TMC4: variants seen among roughly 807,000 people sequenced by gnomAD.
TMC4 encodes the protein transmembrane channel like 4.
In TMC4, 70 loss-of-function variants were observed where a neutral mutation model predicts 82.0. The ratio of observed to expected loss-of-function variants is 0.85; its 90% CI spans 0.70 to 1.04. The LOEUF (loss-of-function observed/expected upper bound fraction) is 1.04. Ranked by LOEUF, TMC4 falls within the 50% of genes least tolerant of loss-of-function variation. TMC4 has a pLI of 0.00. For synonymous variants in TMC4, 446 were observed against 406.0 expected (o/e 1.10, Z -1.18); for missense variants, 879 against 899.0 (o/e 0.98, Z 0.28).
At position 54,162,420 on chromosome 19, in the gene TMC4, C is replaced by T. The variant is rs143043532; in HGVS notation, c.1503-135G>A. On this transcript the variant is annotated intron_variant, in intron 10 of 14. Coordinates refer to ENST00000619895, the MANE Select transcript of TMC4 (RefSeq NM_144686.4). ...GGGGGGGGGCGGGACTTTCAGGACT[C>T]CACGTGGAGGGGGTGTGTCCAGAGG... is the stretch of plus-strand genomic sequence containing the variant. 2.0e-3 allele frequency: 1,478 copies of T among 721,632 alleles called. 19 individuals carry two copies. The African/African-American group carries it at 0.022, about 11-fold the overall frequency. 44.7% of individuals were successfully genotyped at this position (721,632 alleles called of 1,614,324 possible). A position where few individuals can be genotyped will look rare whatever the true frequency, so the allele number is the denominator to read the frequency against.
rs776676888 is a variant in TMC4 at position 54,161,223 on chromosome 19, G to A, written c.1724C>T (p.Thr575Ile). The change falls in exon 12 of 15, where the codon ACC (threonine) becomes ATC (isoleucine). Residue 575 changes from threonine to isoleucine, a missense_variant. Physicochemically the swap from Thr to Ile is moderately conservative, Grantham distance 89. Transcript: ENST00000619895. ...GAAATTCGCCGCGGAGGCCCGGAAG[G>A]TGCGGGCAGCCGGGGAGCAGGTGGA... is the stretch of plus-strand genomic sequence containing the variant. ...LFSTCSPAAR[T>I]FRASAANFFF... 6 of 1,578,502 alleles carry A rather than the reference G, an allele frequency of 3.8e-6. No homozygotes were observed. Among genetic ancestry groups the A allele is most frequent in the Middle Eastern group, 2.0e-4 (1 of 5,094 alleles).
chr19:54,165,583 G>T lies in TMC4; in HGVS notation c.798-17C>A. 5 of 1,589,408 alleles carry T rather than the reference G, an allele frequency of 3.1e-6. No individual in the cohort carries two copies. Among genetic ancestry groups the T allele is most frequent in the Non-Finnish European group, 4.3e-6 (5 of 1,163,032 alleles). The stretch of plus-strand genomic sequence containing the variant: ...GACACCGAGCTGAGAGGGGAGACCC[G>T]GGAGACGGGAAGTGAAAGGACAGCC... On this transcript the variant is annotated splice_polypyrimidine_tract_variant and intron_variant, in intron 5 of 14. Transcript: ENST00000619895.
rs1381002260 is a variant in TMC4, at chr19:54,160,918, C to T, written c.1933G>A (p.Gly645Arg). 1 of 1,614,110 alleles carries T rather than the reference C, an allele frequency of 6.2e-7. No homozygotes were observed. Among genetic ancestry groups the T allele is most frequent in the East Asian group, 2.2e-5 (1 of 44,872 alleles). Residue 645 changes from glycine to arginine, a missense_variant, in exon 13 of 15, where the codon GGG becomes AGG. Physicochemically the swap from Gly to Arg is moderately radical, Grantham distance 125 (BLOSUM62 -2). Coordinates refer to ENST00000619895, the MANE Select transcript of TMC4 (RefSeq NM_144686.4). ...ETTQNFLFFLGTQAFAVPLLL... is the reference protein window; with the variant it reads ...ETTQNFLFFLRTQAFAVPLLL... The stretch of plus-strand genomic sequence containing the variant: ...AGGGGCACAGCAAAAGCCTGGGTCC[C>T]CAGGAAGAAGAGGAAATTCTGGGTG...
At chr19:54,168,332 G>T (rs1321781348) in intron 4 of TMC4, 40 bp from the exon 5 acceptor site, 1 of 1,542,658 alleles carries the variant, frequency 6.5e-7, no homozygotes, top group East Asian at 2.5e-5. Context: ...TGTGGGAGGA[G>T]GCGGGGCTCC....
chr19:54,162,048 G>A, intron 11 of TMC4, 54 bp downstream of exon 11: 3 of 1,493,744 alleles, frequency 2.0e-6, no homozygotes, highest in East Asian at 2.4e-5. Context: ...TGACCCAGGA[G>A]TGCGGGCCCC....
chr19:54,171,315 G>C (rs1350275792), intron 2 of TMC4, among the ~76,000 whole-genome samples: 1 of 152,014 alleles, frequency 6.6e-6, no homozygotes, highest in Non-Finnish European at 1.5e-5. Flanking sequence ...TGCCATGTTG[G>C]CCAGGCTGGT....
chr19:54,164,135 C>T (rs2075642160), intron 7 of TMC4, among the ~76,000 whole-genome samples: 2 of 151,800 alleles, frequency 1.3e-5, no homozygotes, highest in Non-Finnish European at 2.9e-5. Context: ...CCACCACGCC[C>T]GTCTAATTTT....
At chr19:54,160,400 G>GAC in intron 14 of TMC4, 26 bp from the exon 15 acceptor site, 3 of 1,579,262 alleles carry the variant, frequency 1.9e-6, no homozygotes, top group Non-Finnish European at 2.6e-6. Context: ...GTGGAGGTGA[G>GAC]ACAATCCTCT....
At position 54,163,848 on chromosome 19, in the gene TMC4, C is replaced by G. The variant is rs1191146787; in HGVS notation, c.1153G>C (p.Gly385Arg). 1 of 1,613,964 alleles carries G rather than the reference C, an allele frequency of 6.2e-7. No individual in the cohort carries two copies. The highest frequency in any genetic ancestry group is 8.5e-7 in the Non-Finnish European group (1 of 1,180,012). ...LVQELPLLKL[G>R]VNYLPSIFIA... ...AAGATGGACGGAAGGTAATTCACCC[C>G]AAGCTTCAGCAGTGGCAACTCCTGG... The change falls in exon 8 of 15, where the codon GGG becomes CGG. Residue 385 changes from glycine (G) to arginine (R), a missense_variant. Transcript: ENST00000619895.
chr19:54,161,696 G>A (rs1480103974), intron 11 of TMC4, among the ~76,000 whole-genome samples: 1 of 152,086 alleles, frequency 6.6e-6, no homozygotes, highest in Non-Finnish European at 1.5e-5. Context: ...CTGCCACTAA[G>A]CCCGGCTAAT....
chr19:54,160,532 A>G lies in TMC4; in HGVS notation c.1987T>C (p.Tyr663His), dbSNP rs775857830. 1.2e-6 allele frequency: 2 copies of G among 1,614,102 alleles called. No homozygotes were observed. The highest frequency in any genetic ancestry group is 1.7e-6 in the Non-Finnish European group (2 of 1,180,008). The change falls in exon 14 of 15, where the codon TAC (tyrosine) becomes CAC (histidine). Residue 663 changes from tyrosine (Y) to histidine (H), a missense_variant. Coordinates refer to ENST00000619895, the MANE Select transcript of TMC4 (RefSeq NM_144686.4). ...LLLISSILMA[Y>H]TVALANSYGR... is the part of the protein sequence containing the mutation. ...TAGGAGTTAGCCAGAGCCACAGTGT[A>G]CGCCATCAGGATGCTGAAGGAGACA...
intron 4 of TMC4, 30 bp from the exon 5 acceptor site, chr19:54,168,322 T>C: frequency 5.8e-6 from 9 of 1,545,094 alleles, no homozygotes; most frequent in Non-Finnish European, 7.9e-6. Context: ...CAGGGGCCAC[T>C]GTGGGAGGAG....
chr19:54,169,839 C>T (rs978328550), intron 2 of TMC4, among the ~76,000 whole-genome samples, 179 bp from the exon 3 acceptor site: 1 of 151,902 alleles, frequency 6.6e-6, no homozygotes, highest in African/African-American at 2.4e-5. Context: ...CCTGTAATCC[C>T]AGCACTTTGG....
At chr19:54,167,791 G>A (rs1474028627) in intron 5 of TMC4, among the ~76,000 whole-genome samples, 3 of 151,716 alleles carry the variant, frequency 2.0e-5, no homozygotes, top group African/African-American at 4.8e-5. Flanking sequence ...GGCCGGGCGC[G>A]GTGGCTCACG....
Position 54,171,863 on chromosome 19 carries a change from G to A in TMC4, c.293+7C>T, listed in dbSNP as rs545125153. The stretch of plus-strand genomic sequence containing the variant: ...TGTGCGGGTCCCAGCTGGAGGTGGG[G>A]CCTCACCTGTGTGCCCGTCTGGCCT... On this transcript the variant is annotated splice_region_variant and intron_variant, in intron 2 of 14. Transcript: ENST00000619895. 13 of 1,591,300 alleles carry A rather than the reference G, an allele frequency of 8.2e-6. No homozygotes were observed. The highest frequency in any genetic ancestry group is 1.0e-5 in the Non-Finnish European group (12 of 1,167,964).
chr19:54,162,243 C>T lies in TMC4; in HGVS notation c.1545G>A (p.Ala515=). The change falls in exon 11 of 15, where the codon GCG becomes GCA. Residue 515 remains alanine, a synonymous_variant. Transcript: ENST00000619895. ...GLCPGALGRL[A]GTQEFQVPDE... ...CGGGCACCTGGAACTCTTGGGTCCC[C>T]GCCAGACGACCCAGCGCCCCAGGAC... The T allele has an allele frequency of 6.2e-7, 1 of 1,607,860 alleles. No homozygotes were observed. Among genetic ancestry groups the T allele is most frequent in the South Asian group, 1.1e-5 (1 of 90,170 alleles).
rs995150212 is a variant in TMC4 at position 54,168,293 on chromosome 19, C to T, written c.676-1G>A. 27 of 1,551,580 alleles carry T rather than the reference C, an allele frequency of 1.7e-5. No homozygotes were observed. The highest frequency in any genetic ancestry group is 2.2e-5 in the Non-Finnish European group (25 of 1,147,204). On this transcript the variant is annotated splice_acceptor_variant, in intron 4 of 14. Transcript: ENST00000619895. LOFTEE classifies it high-confidence loss of function. Reference sequence around the variant, plus strand: ...AGAGAGGGGACCATTCCAGGTAACCCTGTGGGGGGAAGGCGGCGCAGGGGC... The same window carrying T: ...AGAGAGGGGACCATTCCAGGTAACCTTGTGGGGGGAAGGCGGCGCAGGGGC...
rs1318405970 is a variant in TMC4 at position 54,162,150 on chromosome 19, C to A, written c.1638G>T (p.Leu546=). 1 of 1,613,832 alleles carries A rather than the reference C, an allele frequency of 6.2e-7. No individual in the cohort carries two copies. Among genetic ancestry groups the A allele is most frequent in the Non-Finnish European group, 8.5e-7 (1 of 1,179,920 alleles). ...GGAACTTGACCGTGTTAAGCAGGGG[C>A]AGTAAAGGGCAGAAAAAACTCCCCA... is the stretch of plus-strand genomic sequence containing the variant. ...VWVGSFFCPL[L]PLLNTVKFLL... Residue 546 remains leucine, a synonymous_variant, in exon 11 of 15, where the codon CTG becomes CTT. Coordinates refer to ENST00000619895, the MANE Select transcript of TMC4 (RefSeq NM_144686.4).
chr19:54,161,185 C>A lies in TMC4; in HGVS notation c.1762G>T (p.Val588Phe). 1 of 1,592,528 alleles carries A rather than the reference C, an allele frequency of 6.3e-7. No homozygotes were observed. The highest frequency in any genetic ancestry group is 8.5e-7 in the Non-Finnish European group (1 of 1,171,124). ...GAGATGGCCAGACCCAGGAGAAGGACCAAGGGGAAAAAGAAATTCGCCGCG... is the reference window on the plus strand; with the variant it reads ...GAGATGGCCAGACCCAGGAGAAGGAACAAGGGGAAAAAGAAATTCGCCGCG... Reference protein sequence around the residue: ...ASAANFFFPLVLLLGLAISSV... With the variant: ...ASAANFFFPLFLLLGLAISSV... Residue 588 changes from valine to phenylalanine, a missense_variant, in exon 12 of 15, where the codon GTC becomes TTC. Coordinates refer to ENST00000619895, the MANE Select transcript of TMC4 (RefSeq NM_144686.4).
Sources: gnomAD v4.1 joint callset for allele counts (sites outside exome capture counted in the v4.1 genomes callset) on GRCh38, gnomAD v4.1.1 for gene constraint, MANE v1.5 for transcripts, NCBI Gene and HGNC (gene_info 2026-07-23, HGNC 2026-07-21) for gene names.